PUS7: variants seen among roughly 807,000 people sequenced by gnomAD.
The protein encoded by PUS7 is pseudouridylate synthase 7 homolog.
Under a neutral mutation model 79.8 loss-of-function variants are expected in PUS7, and 48 were observed. The observed-to-expected ratio is 0.60, with a 90% CI of 0.48 to 0.76. The LOEUF is 0.76. Among genes scored for constraint, PUS7 ranks in the 30% least tolerant of loss-of-function variants. The probability of loss-of-function intolerance (pLI) is 0.00; values close to 1 mark genes in which losing one functional copy is unlikely to be tolerated. For missense variants in PUS7, 729 were observed against 797.6 expected (o/e 0.91, Z 1.04); for synonymous variants, 286 against 272.2 (o/e 1.05, Z -0.50).
intron 10 of PUS7, 69 bp from the exon 11 acceptor site, chr7:105,470,917 T>C: frequency 7.0e-7 from 1 of 1,424,924 alleles, no homozygotes; most frequent in Non-Finnish European, 9.3e-7. Flanking sequence ...TAAAGTACAC[T>C]TCACAGAGAA....
intron 8 of PUS7, 124 bp from the exon 9 acceptor site, chr7:105,481,301 C>A (rs376436012): frequency 4.5e-5 from 28 of 623,784 alleles, no homozygotes; most frequent in East Asian, 4.1e-4. Flanking sequence ...TTTCTCTCTA[C>A]CTCCCAAGGG....
chr7:105,489,048 T>C (rs1399719559), intron 7 of PUS7, among the ~76,000 whole-genome samples: 1 of 146,968 alleles, frequency 6.8e-6, no homozygotes, highest in Non-Finnish European at 1.5e-5. Flanking sequence ...CTCAGGACGC[T>C]GAGGCAGGAG....
intron 7 of PUS7, 40 bp downstream of exon 7, chr7:105,491,500 A>G: frequency 7.6e-7 from 1 of 1,315,310 alleles, no homozygotes; most frequent in Non-Finnish European, 1.1e-6. Flanking sequence ...CAGTGCCAGG[A>G]TATTTACAGT....
At chr7:105,483,071 CCTT>C (rs1824392686) in intron 7 of PUS7, among the ~76,000 whole-genome samples, 2 of 152,016 alleles carry the variant, frequency 1.3e-5, no homozygotes, top group African/African-American at 4.8e-5. Flanking sequence ...AAATTCCTTG[CCTT>C]CTTCAATAGG....
At chr7:105,487,519 C>T (rs1223067293) in intron 7 of PUS7, among the ~76,000 whole-genome samples, 1 of 152,294 alleles carries the variant, frequency 6.6e-6, no homozygotes, top group South Asian at 2.1e-4. Flanking sequence ...AAAGCAAGAA[C>T]TATACTCAGT....
At chr7:105,499,688 A>T (rs1239030769) in intron 5 of PUS7, among the ~76,000 whole-genome samples, 1 of 152,220 alleles carries the variant, frequency 6.6e-6, no homozygotes, top group Non-Finnish European at 1.5e-5. Context: ...AGAATCCACC[A>T]CATCTATGTT....
chr7:105,488,886 C>T (rs1048344117), intron 7 of PUS7, among the ~76,000 whole-genome samples: 8 of 152,064 alleles, frequency 5.3e-5, no homozygotes, highest in Non-Finnish European at 1.2e-4. Context: ...CAGTGGCTCA[C>T]GCCTGTAATC....
At position 105,505,983 on chromosome 7, in the gene PUS7, T is replaced by C; in HGVS notation, c.557A>G (p.Lys186Arg). Residue 186 changes from lysine (K) to arginine (R), a missense_variant, in exon 4 of 16, where the codon AAA (lysine) becomes AGA (arginine). Transcript: ENST00000469408. ...AATGGCAACACTGGTTTCCTTATTT[T>C]TGAACAGCTGGAGCTCTTCCAATCG... ...KQRLEELQLF[K>R]NKETSVAIEV... 1 of 1,613,270 alleles carries C rather than the reference T, an allele frequency of 6.2e-7. No individual in the cohort carries two copies. The highest frequency in any genetic ancestry group is 8.5e-7 in the Non-Finnish European group (1 of 1,179,720).
At chr7:105,463,645 C>CT (rs5886354) in intron 13 of PUS7, among the ~76,000 whole-genome samples, 1 of 147,352 alleles carries the variant, frequency 6.8e-6, no homozygotes, top group African/African-American at 2.5e-5. Context: ...TTCTGCAGTT[C>CT]TTTTTTTTTT....
chr7:105,474,821 A>G (rs958078393), intron 9 of PUS7, among the ~76,000 whole-genome samples: 2 of 151,946 alleles, frequency 1.3e-5, no homozygotes, highest in African/African-American at 4.8e-5. Context: ...TTTGTTAAAT[A>G]TCAATTACAG....
intron 6 of PUS7, among the ~76,000 whole-genome samples, chr7:105,493,262 A>G (rs1458444866): frequency 3.9e-5 from 6 of 152,242 alleles, no homozygotes; most frequent in Admixed American, 2.0e-4. Context: ...TATGAAGATA[A>G]TAAGTAACCT....
intron 5 of PUS7, among the ~76,000 whole-genome samples, chr7:105,496,333 T>G (rs1006158135): frequency 2.0e-5 from 3 of 151,806 alleles, no homozygotes; most frequent in African/African-American, 7.3e-5. Flanking sequence ...GAAAAATATG[T>G]AAGCCTAAAC....
chr7:105,458,067 A>G, intron 15 of PUS7, 141 bp from the exon 16 acceptor site: 1 of 895,656 alleles, frequency 1.1e-6, no homozygotes, highest in Non-Finnish European at 1.6e-6. Flanking sequence ...GGAGAATGAG[A>G]CCATGGAAGT....
intron 1 of PUS7, among the ~76,000 whole-genome samples, chr7:105,518,207 T>A (rs529225297): frequency 1.2e-4 from 18 of 151,588 alleles, no homozygotes; most frequent in African/African-American, 4.4e-4. Context: ...CAGCTACTTG[T>A]GAGGCTGAGG....
chr7:105,508,349 C>T lies in PUS7; in HGVS notation c.164G>A (p.Ser55Asn), dbSNP rs774257731. ...DGLQNDFLSI[S>N]EDVPRPPDTV... ...GTCAGGAGGCCGAGGCACGTCTTCA[C>T]TGATGGACAGAAAGTCATTCTGTAG... The change falls in exon 2 of 16, where the codon AGT becomes AAT. Residue 55 changes from serine to asparagine, a missense_variant. Coordinates refer to ENST00000469408, the MANE Select transcript of PUS7 (RefSeq NM_019042.5). 1.2e-6 allele frequency: 2 copies of T among 1,614,112 alleles called. No individual in the cohort carries two copies. The highest frequency in any genetic ancestry group is 1.7e-6 in the Non-Finnish European group (2 of 1,180,028).
chr7:105,508,391 G>A lies in PUS7; in HGVS notation c.122C>T (p.Thr41Ile). The A allele has an allele frequency of 1.2e-6, 2 of 1,614,042 alleles. No homozygotes were observed. Among genetic ancestry groups the A allele is most frequent in the Non-Finnish European group, 1.7e-6 (2 of 1,180,002 alleles). The change falls in exon 2 of 16, where the codon ACC (threonine) becomes ATC (isoleucine). Residue 41 changes from threonine to isoleucine, a missense_variant. Coordinates refer to ENST00000469408, the MANE Select transcript of PUS7 (RefSeq NM_019042.5). Reference sequence around the variant, plus strand: ...ATTCTGTAGCCCATCTTGACCTTTGGTTAGACTGCATTCCGACAGCTTCTG... The same window carrying A: ...ATTCTGTAGCCCATCTTGACCTTTGATTAGACTGCATTCCGACAGCTTCTG... ...KKQKLSECSL[T>I]KGQDGLQNDF...
intron 6 of PUS7, among the ~76,000 whole-genome samples, chr7:105,493,141 T>C (rs1562806459): frequency 6.6e-6 from 1 of 152,224 alleles, no homozygotes; most frequent in South Asian, 2.1e-4. Flanking sequence ...TGAAAATTTA[T>C]CTTCAGTTTT....
At chr7:105,465,931 G>A in intron 12 of PUS7, among the ~76,000 whole-genome samples, 1 of 152,196 alleles carries the variant, frequency 6.6e-6, no homozygotes, top group Admixed American at 6.5e-5. Flanking sequence ...GCTGAGGTGG[G>A]TAGACTGCTT....
intron 13 of PUS7, among the ~76,000 whole-genome samples, chr7:105,465,057 G>T (rs1265017392): frequency 1.3e-5 from 2 of 152,070 alleles, no homozygotes; most frequent in Non-Finnish European, 2.9e-5. Flanking sequence ...GAGCTCAAGC[G>T]ATCCACCCAT....
Sources: allele counts gnomAD v4.1 joint callset (sites outside exome capture counted in the v4.1 genomes callset), GRCh38; gene constraint gnomAD v4.1.1; transcripts MANE v1.5; gene names NCBI Gene and HGNC (gene_info 2026-07-23, HGNC 2026-07-21).